Variants in STXBP6 observed in about 807,000 individuals in gnomAD.
STXBP6 encodes the protein syntaxin-binding protein 6.
A neutral mutation model predicts 26.9 loss-of-function variants in STXBP6; 21 were observed. That is an observed-to-expected ratio of 0.78 (90% CI 0.55 to 1.12). The LOEUF (loss-of-function observed/expected upper bound fraction) is 1.12. Ranked by LOEUF, STXBP6 falls within the 50% of genes most tolerant of loss-of-function variation. The pLI is 0.00. For missense variants in STXBP6, 232 were observed against 257.9 expected (o/e 0.90, Z 0.69); for synonymous variants, 97 against 92.6 (o/e 1.05, Z -0.27).
intron 2 of STXBP6, among the ~76,000 whole-genome samples, chr14:24,902,375 G>C (rs942277539): frequency 2.0e-5 from 3 of 152,186 alleles, no homozygotes; most frequent in South Asian, 4.1e-4. Flanking sequence ...TGGATATAGA[G>C]TGTATATGGT....
chr14:25,044,170 CAAAAAAA>C (rs768658907), intron 1 of STXBP6, among the ~76,000 whole-genome samples: 2 of 53,328 alleles, frequency 3.8e-5, no homozygotes, highest in Non-Finnish European at 6.6e-5. Context: ...GACTCTGCCT[CAAAAAAA>C]AAAAAAAAAA....
rs1285228615 is a variant in STXBP6 at position 25,050,022 on chromosome 14, G to C, written c.-177C>G. 2 of 315,334 alleles carry C rather than the reference G, an allele frequency of 6.3e-6. No homozygotes were observed. Among genetic ancestry groups the C allele is most frequent in the Admixed American group, 6.5e-5 (1 of 15,440 alleles). 19.5% of individuals were successfully genotyped at this position (315,334 alleles called of 1,614,324 possible). A position where few individuals can be genotyped will look rare whatever the true frequency, so the allele number is the denominator to read the frequency against. On this transcript the variant is annotated 5_prime_UTR_variant, in exon 1 of 6. Coordinates refer to ENST00000323944, the MANE Select transcript of STXBP6 (RefSeq NM_001394410.1). ...CCCGGGTGCTGGCTCGCCGCCGCTC[G>C]CGGCTCCCGCGCCGGCTCCTGCTGC...
intron 2 of STXBP6, among the ~76,000 whole-genome samples, chr14:24,938,729 TG>T (rs2072692240): frequency 6.6e-6 from 1 of 152,198 alleles, no homozygotes; most frequent in South Asian, 2.1e-4. Flanking sequence ...CTCACCCTCC[TG>T]GAAGCAGGCC....
chr14:25,007,141 T>C lies in STXBP6; in HGVS notation c.-32-32291A>G, dbSNP rs76383489. ...CTATATGCCCCTTTGGGAAGATACA[T>C]ATGTGATTTATCTTGCTGTCCTCCA... On this transcript the variant is annotated intron_variant, in intron 1 of 5. Coordinates refer to ENST00000323944, the MANE Select transcript of STXBP6 (RefSeq NM_001394410.1). Among the ~76,000 whole-genome samples, 750 of 152,362 alleles carry C rather than the reference T, an allele frequency of 4.9e-3. 4 individuals are homozygous for C. Among genetic ancestry groups the C allele is most frequent in the African/African-American group, 0.017 (712 of 41,586 alleles).
chr14:24,993,558 T>C (rs563416289), intron 1 of STXBP6, among the ~76,000 whole-genome samples: 6 of 152,294 alleles, frequency 3.9e-5, no homozygotes, highest in Non-Finnish European at 2.9e-5. Flanking sequence ...CCACAGTACA[T>C]AGGTAGAGTT....
chr14:24,936,083 G>A (rs908068724), intron 2 of STXBP6, among the ~76,000 whole-genome samples: 3 of 152,166 alleles, frequency 2.0e-5, no homozygotes, highest in Admixed American at 2.0e-4. Context: ...TATTTTTTGT[G>A]TCTGTAGCAG....
At chr14:25,018,008 A>G (rs890011079) in intron 1 of STXBP6, among the ~76,000 whole-genome samples, 3 of 152,132 alleles carry the variant, frequency 2.0e-5, no homozygotes, top group African/African-American at 7.2e-5. Flanking sequence ...CTCCTCAAGT[A>G]AGCAATCACA....
chr14:24,974,229 T>A (rs1388413058), intron 2 of STXBP6, among the ~76,000 whole-genome samples: 2 of 152,130 alleles, frequency 1.3e-5, no homozygotes, highest in Non-Finnish European at 2.9e-5. Context: ...AAGGTGCCAA[T>A]ATTTATCTTA....
At chr14:24,985,150 C>A (rs184582644) in intron 1 of STXBP6, among the ~76,000 whole-genome samples, 1 of 152,160 alleles carries the variant, frequency 6.6e-6, no homozygotes, top group Non-Finnish European at 1.5e-5. Flanking sequence ...CATGCTGGTT[C>A]GTTGGCAAAG....
chr14:24,864,501 C>T (rs1402100681), intron 2 of STXBP6, among the ~76,000 whole-genome samples: 1 of 152,058 alleles, frequency 6.6e-6, no homozygotes, highest in Non-Finnish European at 1.5e-5. Context: ...TGACTATGCT[C>T]CTGGATACCA....
chr14:25,049,613 G>A lies in STXBP6; in HGVS notation c.-33+265C>T, dbSNP rs2075774291. On this transcript the variant is annotated intron_variant, in intron 1 of 5. Coordinates refer to ENST00000323944, the MANE Select transcript of STXBP6 (RefSeq NM_001394410.1). The surrounding 1 kb of genome is among the most constrained non-coding windows in gnomAD (Gnocchi z 5.6). Reference sequence around the variant, plus strand: ...TTCTGCGGCTTGCCCAATACTGCCCGCACAACGGGTCCCAGGGTTGGAGAG... The same window carrying A: ...TTCTGCGGCTTGCCCAATACTGCCCACACAACGGGTCCCAGGGTTGGAGAG... 5.1e-6 allele frequency: 5 copies of A among 985,288 alleles called. No homozygotes were observed. Among genetic ancestry groups the A allele is most frequent in the African/African-American group, 3.5e-5 (2 of 57,240 alleles). The allele number at this position is 985,288 out of a possible 1,614,324, so 61.0% of individuals were successfully genotyped here. A position where few individuals can be genotyped will look rare whatever the true frequency, so the allele number is the denominator to read the frequency against.
chr14:25,019,458 C>T (rs1431160307), intron 1 of STXBP6, among the ~76,000 whole-genome samples: 1 of 152,218 alleles, frequency 6.6e-6, no homozygotes, highest in Non-Finnish European at 1.5e-5. Context: ...AAAGGACAAT[C>T]TATATCATGT....
Position 24,948,622 on chromosome 14 carries a change from G to A in STXBP6, c.154+26043C>T, listed in dbSNP as rs76309036. Among the ~76,000 whole-genome samples, 1,222 of 152,332 alleles carry A rather than the reference G, an allele frequency of 8.0e-3. 5 individuals carry two copies. Among genetic ancestry groups the A allele is most frequent in the Middle Eastern group, 0.017 (5 of 294 alleles). The stretch of plus-strand genomic sequence containing the variant: ...CATGAGCACATGGAGCAAGCACCAT[G>A]TTTACTGATTCTTAACAAAGTTTCT... On this transcript the variant is annotated intron_variant, in intron 2 of 5. Transcript: ENST00000323944.
At chr14:25,046,457 T>TAAA (rs1170943032) in intron 1 of STXBP6, among the ~76,000 whole-genome samples, 19 of 152,316 alleles carry the variant, frequency 1.2e-4, no homozygotes, top group Non-Finnish European at 2.9e-5. Flanking sequence ...ACTGATAGGT[T>TAAA]TCTCTAGTGC....
At chr14:24,823,070 T>C (rs928979376) in intron 4 of STXBP6, among the ~76,000 whole-genome samples, 5 of 152,196 alleles carry the variant, frequency 3.3e-5, no homozygotes, top group Non-Finnish European at 7.3e-5. Context: ...TCAACCATGG[T>C]AAATAAAGTC....
At chr14:24,963,579 T>C (rs2073623393) in intron 2 of STXBP6, among the ~76,000 whole-genome samples, 1 of 152,126 alleles carries the variant, frequency 6.6e-6, no homozygotes, top group Non-Finnish European at 1.5e-5. Flanking sequence ...CCAGTTTCCA[T>C]TTTTCTCTGG....
At chr14:24,870,322 C>T (rs2069881821) in intron 2 of STXBP6, among the ~76,000 whole-genome samples, 1 of 152,104 alleles carries the variant, frequency 6.6e-6, no homozygotes, top group African/African-American at 2.4e-5. Context: ...TTGGCCCCTT[C>T]AAAAGCAATG....
chr14:24,866,394 C>T (rs2069722791), intron 2 of STXBP6, among the ~76,000 whole-genome samples: 1 of 151,872 alleles, frequency 6.6e-6, no homozygotes, highest in African/African-American at 2.4e-5. Flanking sequence ...TATATATGTA[C>T]ATATGTGTGT....
chr14:24,838,712 G>A (rs1048335147), intron 4 of STXBP6, among the ~76,000 whole-genome samples: 7 of 151,956 alleles, frequency 4.6e-5, no homozygotes, highest in Middle Eastern at 6.8e-3. Flanking sequence ...AGAAAAAATG[G>A]CCAGTAACTT....
Sources: allele counts gnomAD v4.1 joint callset (sites outside exome capture counted in the v4.1 genomes callset), GRCh38; gene constraint gnomAD v4.1.1; non-coding constraint Gnocchi (gnomAD v3.1); transcripts MANE v1.5; gene names NCBI Gene and HGNC (gene_info 2026-07-23, HGNC 2026-07-21).